The following COBL variants were observed in gnomAD, a reference collection of about 807,000 sequenced individuals.
COBL encodes cordon-bleu WH2 repeat protein.
Under a neutral mutation model 98.8 loss-of-function variants are expected in COBL, and 51 were observed. The ratio of observed to expected loss-of-function variants is 0.52; its 90% CI spans 0.41 to 0.65. The LOEUF (loss-of-function observed/expected upper bound fraction) is 0.65, where lower values mean the gene tolerates loss of function less well. Among genes scored for constraint, COBL ranks in the 30% least tolerant of loss-of-function variants. The probability of loss-of-function intolerance (pLI) is 0.00; values close to 1 mark genes in which losing one functional copy is unlikely to be tolerated. For missense variants in COBL, 1,617 were observed against 1,617.5 expected, an observed-to-expected ratio of 1.00 and a Z score of 0.01; for synonymous variants, 634 against 651.7, an observed-to-expected ratio of 0.97 and a Z score of 0.41.
At chr7:51,019,011 G>A (rs2128857134) in intron 12 of COBL, among the ~76,000 whole-genome samples, 1 of 141,334 alleles carries the variant, frequency 7.1e-6, no homozygotes, top group East Asian at 2.1e-4. Context: ...TTTTATATGT[G>A]GTACAACACA....
In COBL at chr7:51,294,818, T is replaced by TC. The variant is rs146437401; in HGVS notation, c.41+21774dup. Among the ~76,000 whole-genome samples the TC allele has an allele frequency of 7.7e-3, 1,166 of 152,248 alleles. 59 individuals are homozygous for TC. The South Asian group carries it at 0.13, about 17-fold the overall frequency. On this transcript the variant is annotated intron_variant, in intron 1 of 12. Coordinates refer to ENST00000265136, the MANE Select transcript of COBL (RefSeq NM_015198.5). ...CATTGTCCTTGTACATGGTCTATGC[T>TC]CCATTTATATAGAATTTAAAGTTTT...
chr7:51,067,410 T>C (rs947649157), intron 7 of COBL, among the ~76,000 whole-genome samples: 1 of 152,262 alleles, frequency 6.6e-6, no homozygotes, highest in African/African-American at 2.4e-5. Context: ...TATGCATAGA[T>C]GTTTAAGATA....
intron 5 of COBL, among the ~76,000 whole-genome samples, chr7:51,142,250 T>C (rs531279722): frequency 1.7e-3 from 265 of 152,226 alleles, no homozygotes; most frequent in African/African-American, 5.6e-3. Context: ...AGAAGAAAAG[T>C]GGCAGAAGCT....
chr7:51,147,016 AG>A (rs1360789233), intron 5 of COBL, among the ~76,000 whole-genome samples: 1 of 152,080 alleles, frequency 6.6e-6, no homozygotes, highest in African/African-American at 2.4e-5. Context: ...ACCTGCAGGA[AG>A]TGTTCTGCAG....
intron 5 of COBL, among the ~76,000 whole-genome samples, chr7:51,161,487 A>G (rs1301546520): frequency 6.6e-6 from 1 of 152,208 alleles, no homozygotes; most frequent in Non-Finnish European, 1.5e-5. Flanking sequence ...AATTCTGGAA[A>G]CTTTTTTAGG....
intron 1 of COBL, among the ~76,000 whole-genome samples, chr7:51,302,496 G>A (rs1047991169): frequency 3.3e-5 from 5 of 150,630 alleles, no homozygotes; most frequent in East Asian, 2.0e-4. Flanking sequence ...CAGGAGAATC[G>A]CTTGAACCCG....
intron 6 of COBL, among the ~76,000 whole-genome samples, chr7:51,091,941 C>T (rs1794849322): frequency 6.6e-6 from 1 of 152,114 alleles, no homozygotes; most frequent in African/African-American, 2.4e-5. Flanking sequence ...AACTTCCAAC[C>T]AAGAATAGTT....
intron 1 of COBL, among the ~76,000 whole-genome samples, chr7:51,225,503 G>C (rs1236861291): frequency 6.6e-6 from 1 of 152,086 alleles, no homozygotes; most frequent in Non-Finnish European, 1.5e-5. Flanking sequence ...TAGGAGGCAG[G>C]GCAGGTCCTT....
chr7:51,026,754 C>T, intron 10 of COBL, 89 bp from the exon 11 acceptor site: 1 of 1,492,694 alleles, frequency 6.7e-7, no homozygotes, highest in South Asian at 1.2e-5. Flanking sequence ...ACTCATGGGC[C>T]AGGCACGGTG....
At chr7:51,110,923 T>C (rs1012009145) in intron 6 of COBL, among the ~76,000 whole-genome samples, 1 of 152,242 alleles carries the variant, frequency 6.6e-6, no homozygotes, top group Non-Finnish European at 1.5e-5. Flanking sequence ...ACAGTTTCTT[T>C]ATCCACTCAT....
chr7:51,313,343 C>A (rs1803235710), intron 1 of COBL, among the ~76,000 whole-genome samples: 1 of 152,204 alleles, frequency 6.6e-6, no homozygotes. Context: ...ACACTTAATA[C>A]TATGTGCGGC....
At chr7:51,233,017 G>A (rs1242433917) in intron 1 of COBL, among the ~76,000 whole-genome samples, 1 of 152,012 alleles carries the variant, frequency 6.6e-6, no homozygotes, top group Non-Finnish European at 1.5e-5. Flanking sequence ...CACACATAAT[G>A]GTCATGACAA....
At chr7:51,114,166 G>C (rs1481546669) in intron 6 of COBL, among the ~76,000 whole-genome samples, 2 of 152,166 alleles carry the variant, frequency 1.3e-5, no homozygotes, top group Non-Finnish European at 2.9e-5. Context: ...CTTGCCACAA[G>C]GCTGGAAGCT....
intron 6 of COBL, among the ~76,000 whole-genome samples, chr7:51,100,498 A>C: frequency 6.6e-6 from 1 of 152,200 alleles, no homozygotes; most frequent in Non-Finnish European, 1.5e-5. Flanking sequence ...TGGTTAGCTG[A>C]AGCCCTCTAA....
chr7:51,086,147 G>T (rs189518100), intron 6 of COBL, among the ~76,000 whole-genome samples: 1 of 152,054 alleles, frequency 6.6e-6, no homozygotes, highest in African/African-American at 2.4e-5. Flanking sequence ...CACTCTCATT[G>T]ATTAAAATTC....
At chr7:51,300,509 C>A (rs1368117673) in intron 1 of COBL, among the ~76,000 whole-genome samples, 1 of 152,136 alleles carries the variant, frequency 6.6e-6, no homozygotes, top group Non-Finnish European at 1.5e-5. Flanking sequence ...TGGCCTGGGT[C>A]TGGACCCTTC....
At chr7:51,034,388 G>A (rs954613073) in intron 8 of COBL, 1 of 152,278 alleles carries the variant, frequency 6.6e-6, no homozygotes, top group African/African-American at 2.4e-5. Flanking sequence ...ATCTCTGAGA[G>A]AGGAAAGAGG....
At chr7:51,168,159 C>T (rs1364918593) in intron 5 of COBL, among the ~76,000 whole-genome samples, 1 of 152,180 alleles carries the variant, frequency 6.6e-6, no homozygotes, top group African/African-American at 2.4e-5. Flanking sequence ...TTGCAAACTA[C>T]TCATCTGACA....
intron 5 of COBL, among the ~76,000 whole-genome samples, chr7:51,175,872 C>T (rs1788319103): frequency 6.6e-6 from 1 of 152,196 alleles, no homozygotes; most frequent in South Asian, 2.1e-4. Flanking sequence ...GACAGCAGTG[C>T]CAGGGAATCT....
Sources: allele counts gnomAD v4.1 joint callset (sites outside exome capture counted in the v4.1 genomes callset), GRCh38; gene constraint gnomAD v4.1.1; transcripts MANE v1.5; gene names NCBI Gene and HGNC (gene_info 2026-07-23, HGNC 2026-07-21).